Variants in ARCN1 observed in about 807,000 individuals in gnomAD.
The protein encoded by ARCN1 is coatomer subunit delta.
In ARCN1, 5 loss-of-function variants were observed where a neutral mutation model predicts 60.4. The ratio of observed to expected loss-of-function variants is 0.08; its 90% CI spans 0.04 to 0.17. The LOEUF is 0.17. Among genes scored for constraint, ARCN1 ranks in the 10% least tolerant of loss-of-function variants. The pLI, the probability that ARCN1 is intolerant of heterozygous loss-of-function variation, is 1.00. For synonymous variants in ARCN1, 224 were observed against 220.0 expected (o/e 1.02, Z -0.16); for missense variants, 464 against 626.5 (o/e 0.74, Z 2.77).
chr11:118,581,937 G>GACAGACACACACACACACAC lies in ARCN1; in HGVS notation c.267+431_267+432insGACACACACACACACACACA, dbSNP rs1555074708. Among the ~76,000 whole-genome samples, 120 of 140,798 alleles carry GACAGACACACACACACACAC rather than the reference G, an allele frequency of 8.5e-4. 2 individuals carry two copies. Among genetic ancestry groups the GACAGACACACACACACACAC allele is most frequent in the Middle Eastern group, 3.5e-3 (1 of 286 alleles). The allele number at this position is 140,798 out of a possible 152,430, so 92.4% of individuals were successfully genotyped here. ...TGATCCAGAGACAGACAGACAGACA[G>GACAGACACACACACACACAC]ACACACACACACACACACACACACA... On this transcript the variant is annotated intron_variant, in intron 2 of 9. Coordinates refer to ENST00000264028, the MANE Select transcript of ARCN1 (RefSeq NM_001655.5).
In ARCN1 at chr11:118,583,880, A is replaced by C; in HGVS notation, c.519A>C (p.Ala173=). The stretch of plus-strand genomic sequence containing the variant: ...AATTACAACAGGCCCGAAGAGATGC[A>C]GAGAGACAGGGCAAAAAAGCACCAG... The part of the protein sequence containing the change: ...AKELQQARRD[A]ERQGKKAPGF... The change falls in exon 4 of 10, where the codon GCA becomes GCC. Residue 173 remains alanine, a synonymous_variant. Transcript: ENST00000264028. The C allele has an allele frequency of 6.2e-7, 1 of 1,614,262 alleles. No homozygotes were observed. Among genetic ancestry groups the C allele is most frequent in the Non-Finnish European group, 8.5e-7 (1 of 1,180,044 alleles).
At chr11:118,600,584 C>T (rs1555077929) in intron 9 of ARCN1, 41 bp from the exon 10 acceptor site, 1 of 1,438,350 alleles carries the variant, frequency 7.0e-7, no homozygotes, top group Non-Finnish European at 9.7e-7. Context: ...GATGGAGACT[C>T]AAACCTCCTG....
chr11:118,576,172 G>C (rs1450876896), intron 1 of ARCN1, among the ~76,000 whole-genome samples: 1 of 151,946 alleles, frequency 6.6e-6, no homozygotes, highest in Non-Finnish European at 1.5e-5. Flanking sequence ...TTTTTTACTT[G>C]AGGCACTTAA....
Position 118,601,769 on chromosome 11 carries a change from G to A in ARCN1, c.*1055G>A, listed in dbSNP as rs185810132. On this transcript the variant is annotated 3_prime_UTR_variant, in exon 10 of 10. Transcript: ENST00000264028. ...CCCACTTGTGTCAATATTAAAGATA[G>A]CTGAGAAGCACCTTTCAAATGGCAC... The A allele has an allele frequency of 1.4e-6, 1 of 701,968 alleles. No individual in the cohort carries two copies. Among genetic ancestry groups the A allele is most frequent in the African/African-American group, 1.7e-5 (1 of 57,316 alleles). 43.5% of individuals were successfully genotyped at this position (701,968 alleles called of 1,614,324 possible). A position where few individuals can be genotyped will look rare whatever the true frequency, so the allele number is the denominator to read the frequency against.
At chr11:118,576,353 T>G (rs1184762567) in intron 1 of ARCN1, among the ~76,000 whole-genome samples, 2 of 150,122 alleles carry the variant, frequency 1.3e-5, no homozygotes, top group Non-Finnish European at 3.0e-5. Flanking sequence ...GGGCCCTCAG[T>G]TTTCACATCT....
intron 1 of ARCN1, among the ~76,000 whole-genome samples, chr11:118,576,950 T>C (rs906519392): frequency 3.3e-5 from 5 of 152,152 alleles, no homozygotes; most frequent in Non-Finnish European, 4.4e-5. Context: ...TTTGGGAGGC[T>C]CAGGCGGGCA....
intron 1 of ARCN1, among the ~76,000 whole-genome samples, chr11:118,577,417 T>C (rs945828898): frequency 2.6e-5 from 4 of 152,036 alleles, no homozygotes; most frequent in African/African-American, 9.7e-5. Flanking sequence ...GGCTAATTTT[T>C]TGTATTTTTT....
chr11:118,581,948 A>T (rs962152574), intron 2 of ARCN1, among the ~76,000 whole-genome samples: 6 of 150,052 alleles, frequency 4.0e-5, no homozygotes, highest in Non-Finnish European at 7.4e-5. Context: ...ACACACACAC[A>T]CACACACACA....
At chr11:118,588,722 AAAC>A (rs778459461) in intron 5 of ARCN1, among the ~76,000 whole-genome samples, 6 of 152,110 alleles carry the variant, frequency 3.9e-5, no homozygotes, top group African/African-American at 9.7e-5. Context: ...TCTGTCTCTT[AAAC>A]AACAACAACA....
intron 8 of ARCN1, 66 bp from the exon 9 acceptor site, chr11:118,597,641 G>C (rs1184989141): frequency 6.4e-7 from 1 of 1,560,254 alleles, no homozygotes; most frequent in Admixed American, 1.8e-5. Flanking sequence ...CAAATTTGGG[G>C]TTGGTTTTCC....
chr11:118,600,949 G>A lies in ARCN1; in HGVS notation c.*235G>A, dbSNP rs1414936543. 4.2e-5 allele frequency: 12 copies of A among 286,898 alleles called. No individual in the cohort carries two copies. The highest frequency in any genetic ancestry group is 3.4e-4 in the East Asian group (4 of 11,900). The allele number at this position is 286,898 out of a possible 1,614,324, so 17.8% of individuals were successfully genotyped here. A position where few individuals can be genotyped will look rare whatever the true frequency, so the allele number is the denominator to read the frequency against. ...AAGGGAAAGGCTGCTAATTTTCTTT[G>A]GCAGATTGTATTGGCCAGCAGGAAA... is the stretch of plus-strand genomic sequence containing the variant. On this transcript the variant is annotated 3_prime_UTR_variant, in exon 10 of 10. Coordinates refer to ENST00000264028, the MANE Select transcript of ARCN1 (RefSeq NM_001655.5).
chr11:118,572,759 C>T (rs1938378077), intron 1 of ARCN1: 1 of 511,592 alleles, frequency 2.0e-6, no homozygotes, highest in Non-Finnish European at 3.5e-6. Flanking sequence ...TCGTCGTGCC[C>T]GCTTCCGCAC....
intron 5 of ARCN1, among the ~76,000 whole-genome samples, chr11:118,587,070 G>A (rs1267625493): frequency 6.6e-6 from 1 of 152,120 alleles, no homozygotes; most frequent in Non-Finnish European, 1.5e-5. Context: ...CAAAGAACAT[G>A]GTAGGATAAC....
intron 1 of ARCN1, among the ~76,000 whole-genome samples, chr11:118,576,760 T>C (rs1282915541): frequency 2.6e-5 from 4 of 152,192 alleles, no homozygotes; most frequent in Non-Finnish European, 5.9e-5. Context: ...CGGAGATTTA[T>C]GCTATACTTA....
intron 5 of ARCN1, among the ~76,000 whole-genome samples, chr11:118,587,659 C>T (rs1346220794): frequency 1.3e-5 from 2 of 152,176 alleles, no homozygotes; most frequent in Admixed American, 6.5e-5. Context: ...ACACATCAAG[C>T]GGTCACACCT....
rs782201444 is a variant in ARCN1, at chr11:118,597,740, C to T, written c.1275C>T (p.Ile425=). 6 of 1,613,972 alleles carry T rather than the reference C, an allele frequency of 3.7e-6. No individual in the cohort carries two copies. Among genetic ancestry groups the T allele is most frequent in the Admixed American group, 1.7e-5 (1 of 59,994 alleles). ...SGVGAPVIGE[I]DGEYRHDSRR... is the part of the protein sequence containing the mutation. ...TCGGCGCGCCTGTTATCGGTGAGAT[C>T]GATGGGGAGTATCGACATGACAGTC... Residue 425 remains isoleucine, a synonymous_variant, in exon 9 of 10, where the codon ATC becomes ATT. Transcript: ENST00000264028.
intron 7 of ARCN1, 65 bp downstream of exon 7, chr11:118,592,921 G>A (rs1212231568): frequency 5.5e-6 from 8 of 1,452,164 alleles, no homozygotes; most frequent in Non-Finnish European, 5.6e-6. Flanking sequence ...GCCCTTGCTG[G>A]TACACTTTTA....
chr11:118,595,448 AT>A (rs1939004789), intron 8 of ARCN1, among the ~76,000 whole-genome samples: 1 of 152,238 alleles, frequency 6.6e-6, no homozygotes, highest in African/African-American at 2.4e-5. Flanking sequence ...TTTTAATTGT[AT>A]AATCTTGACA....
In ARCN1 at chr11:118,583,214, A is replaced by G; in HGVS notation, c.303A>G (p.Glu101=). Residue 101 remains glutamate, a synonymous_variant, in exon 3 of 10, where the codon GAA becomes GAG. Transcript: ENST00000264028. ...PEYCRALEEN[E]ISEHCFDLIF... The stretch of plus-strand genomic sequence containing the variant: ...ATTGCCGAGCCTTAGAAGAGAATGA[A>G]ATATCTGAGCACTGTTTTGATTTGA... 4 of 1,614,180 alleles carry G rather than the reference A, an allele frequency of 2.5e-6. 1 individual carries two copies. Among genetic ancestry groups the G allele is most frequent in the Non-Finnish European group, 3.4e-6 (4 of 1,180,022 alleles).
Sources: gnomAD v4.1 joint callset for allele counts (sites outside exome capture counted in the v4.1 genomes callset) on GRCh38, gnomAD v4.1.1 for gene constraint, MANE v1.5 for transcripts, NCBI Gene and HGNC (gene_info 2026-07-23, HGNC 2026-07-21) for gene names.